Variants in ACBD6 observed in about 807,000 individuals in gnomAD.
The protein encoded by ACBD6 is acyl-CoA-binding domain-containing protein 6.
In ACBD6, 28 loss-of-function variants were observed where a neutral mutation model predicts 37.2. That is an observed-to-expected ratio of 0.75 (90% CI 0.56 to 1.03). The LOEUF is 1.03. Ranked by LOEUF, ACBD6 falls within the 50% of genes least tolerant of loss-of-function variation. ACBD6 has a pLI of 0.00. For synonymous variants in ACBD6, 113 were observed against 126.8 expected (o/e 0.89, Z 0.73); for missense variants, 340 against 337.4 (o/e 1.01, Z -0.06).
intron 6 of ACBD6, among the ~76,000 whole-genome samples, chr1:180,330,639 A>C (rs1651443922): frequency 6.6e-6 from 1 of 152,202 alleles, no homozygotes; most frequent in Non-Finnish European, 1.5e-5. Flanking sequence ...GAAAACAATC[A>C]AAGGCAGTAT....
intron 4 of ACBD6, among the ~76,000 whole-genome samples, chr1:180,414,643 G>A (rs984139420): frequency 2.0e-5 from 3 of 152,070 alleles, no homozygotes; most frequent in African/African-American, 7.2e-5. Context: ...CAGTATAGCT[G>A]GGATGACAAA....
chr1:180,458,230 C>T (rs1260977594), intron 3 of ACBD6, among the ~76,000 whole-genome samples: 1 of 152,136 alleles, frequency 6.6e-6, no homozygotes, highest in Non-Finnish European at 1.5e-5. Context: ...GAAAAATATA[C>T]ATAATTGTTA....
chr1:180,315,314 T>G (rs577296795), intron 6 of ACBD6, among the ~76,000 whole-genome samples: 172 of 152,290 alleles, frequency 1.1e-3, no homozygotes, highest in African/African-American at 3.7e-3. Flanking sequence ...TTCAGTTATT[T>G]TCCTTTAAAA....
At position 180,437,707 on chromosome 1, in the gene ACBD6, A is replaced by G. The variant is rs538053617; in HGVS notation, c.385-7445T>C. Among the ~76,000 whole-genome samples, 10 of 152,344 alleles carry G rather than the reference A, an allele frequency of 6.6e-5. No individual in the cohort carries two copies. The South Asian group carries it at 2.1e-3, about 32-fold the overall frequency. The stretch of plus-strand genomic sequence containing the variant: ...TTAGGTCTGACAGAGACAGACAATA[A>G]ATGAATAAGTTTTCCAATATTAAAA... On this transcript the variant is annotated intron_variant, in intron 3 of 7. Transcript: ENST00000367595.
intron 3 of ACBD6, among the ~76,000 whole-genome samples, chr1:180,479,539 G>A (rs774290168): frequency 9.9e-5 from 15 of 151,994 alleles, no homozygotes; most frequent in Admixed American, 2.6e-4. Context: ...GGGTTAAAGG[G>A]TATAAACATA....
At chr1:180,328,878 G>A (rs1651363697) in intron 6 of ACBD6, among the ~76,000 whole-genome samples, 1 of 152,018 alleles carries the variant, frequency 6.6e-6, no homozygotes, top group South Asian at 2.1e-4. Context: ...TTCAGCTGCA[G>A]GTTCTAGGTA....
chr1:180,290,514 A>G (rs1649661631), intron 7 of ACBD6, among the ~76,000 whole-genome samples: 1 of 152,242 alleles, frequency 6.6e-6, no homozygotes, highest in South Asian at 2.1e-4. Flanking sequence ...GTACCAGTCC[A>G]GTCAGGAATA....
At chr1:180,439,058 A>G (rs1035380519) in intron 3 of ACBD6, among the ~76,000 whole-genome samples, 7 of 152,202 alleles carry the variant, frequency 4.6e-5, no homozygotes. Flanking sequence ...TTCACTTAGC[A>G]TTATGCATTT....
At chr1:180,471,450 T>TA (rs1650562876) in intron 3 of ACBD6, among the ~76,000 whole-genome samples, 1 of 138,434 alleles carries the variant, frequency 7.2e-6, no homozygotes, top group Admixed American at 7.7e-5. Flanking sequence ...AGATATGAAT[T>TA]AGTCTGTTTT....
intron 3 of ACBD6, among the ~76,000 whole-genome samples, chr1:180,479,908 G>C (rs993571493): frequency 6.6e-6 from 1 of 152,100 alleles, no homozygotes; most frequent in Non-Finnish European, 1.5e-5. Flanking sequence ...AGGATGGCTT[G>C]AGCCCCGAAG....
intron 3 of ACBD6, among the ~76,000 whole-genome samples, chr1:180,473,599 A>G (rs1199046644): frequency 6.6e-6 from 1 of 152,240 alleles, no homozygotes; most frequent in Non-Finnish European, 1.5e-5. Context: ...CAAAAACTGT[A>G]AAAAGAGATA....
intron 6 of ACBD6, among the ~76,000 whole-genome samples, chr1:180,364,982 C>T (rs1653000954): frequency 2.0e-5 from 3 of 152,162 alleles, no homozygotes; most frequent in African/African-American, 7.2e-5. Flanking sequence ...ATCCGCCCAC[C>T]TTGGCCTCCC....
At chr1:180,438,071 G>T in intron 3 of ACBD6, among the ~76,000 whole-genome samples, 1 of 152,204 alleles carries the variant, frequency 6.6e-6, no homozygotes, top group Non-Finnish European at 1.5e-5. Flanking sequence ...CCTCCTGTGA[G>T]ATCAGCAATA....
At chr1:180,406,335 T>A (rs1647624468) in intron 5 of ACBD6, among the ~76,000 whole-genome samples, 1 of 152,114 alleles carries the variant, frequency 6.6e-6, no homozygotes, top group Non-Finnish European at 1.5e-5. Flanking sequence ...AAAGAACATT[T>A]CCTTGGAGTG....
chr1:180,340,105 T>A (rs1651919742), intron 6 of ACBD6, among the ~76,000 whole-genome samples: 1 of 151,976 alleles, frequency 6.6e-6, no homozygotes, highest in Non-Finnish European at 1.5e-5. Context: ...ACTGAAGCAA[T>A]GAAAGGAAGT....
chr1:180,449,387 A>G (rs1267309290), intron 3 of ACBD6, among the ~76,000 whole-genome samples: 1 of 151,536 alleles, frequency 6.6e-6, no homozygotes, highest in Non-Finnish European at 1.5e-5. Context: ...ACGGAGCAAC[A>G]TATCACTGAC....
intron 6 of ACBD6, among the ~76,000 whole-genome samples, chr1:180,393,451 T>C (rs779724961): frequency 6.6e-6 from 1 of 152,198 alleles, no homozygotes; most frequent in East Asian, 1.9e-4. Context: ...CATCAGACTG[T>C]CTGTGCTGAG....
At chr1:180,295,901 C>G (rs767086090) in intron 7 of ACBD6, among the ~76,000 whole-genome samples, 7 of 152,028 alleles carry the variant, frequency 4.6e-5, no homozygotes, top group Non-Finnish European at 1.0e-4. Flanking sequence ...TCCTTTTACT[C>G]AAGTAAAAGG....
At chr1:180,472,767 ATAAT>A (rs1370528236) in intron 3 of ACBD6, among the ~76,000 whole-genome samples, 1 of 152,202 alleles carries the variant, frequency 6.6e-6, no homozygotes, top group Non-Finnish European at 1.5e-5. Flanking sequence ...AAGATGACAT[ATAAT>A]TAATCATTAT....
Sources: allele counts gnomAD v4.1 joint callset (sites outside exome capture counted in the v4.1 genomes callset), GRCh38; gene constraint gnomAD v4.1.1; transcripts MANE v1.5; gene names NCBI Gene and HGNC (gene_info 2026-07-23, HGNC 2026-07-21).